The following SORCS2 variants were observed in gnomAD, a reference collection of about 807,000 sequenced individuals.
SORCS2 encodes VPS10 domain-containing receptor SorCS2.
Under a neutral mutation model 141.6 loss-of-function variants are expected in SORCS2, and 100 were observed. That is an observed-to-expected ratio of 0.71 (90% confidence interval 0.60 to 0.83). The LOEUF is 0.83. SORCS2 is among the 40% of genes least tolerant of loss of function. The pLI is 0.00. For synonymous variants in SORCS2, 789 were observed against 676.9 expected, an observed-to-expected ratio of 1.17 and a Z score of -2.57; for missense variants, 1,646 against 1,560.2, an observed-to-expected ratio of 1.05 and a Z score of -0.93.
chr4:7,297,240 C>G (rs1191605300), intron 1 of SORCS2, among the ~76,000 whole-genome samples: 1 of 152,148 alleles, frequency 6.6e-6, no homozygotes. Flanking sequence ...ACTCCCAGCT[C>G]GGGGTTCCAC....
At chr4:7,708,773 C>A (rs557198425) in intron 14 of SORCS2, among the ~76,000 whole-genome samples, 15 of 152,336 alleles carry the variant, frequency 9.8e-5, no homozygotes, top group African/African-American at 3.6e-4. Flanking sequence ...ATTTATTCCT[C>A]CGTTTTTAGA....
At position 7,456,444 on chromosome 4, in the gene SORCS2, T is replaced by C. The variant is rs149657856; in HGVS notation, c.548+60089T>C. ...CCATCCACCTTTACATGCATTTTTT[T>C]CCTCTGTTTCCCACCCATAAGCCTG... On this transcript the variant is annotated intron_variant, in intron 2 of 26. Transcript: ENST00000507866. 4.6e-5 allele frequency among the ~76,000 whole-genome samples: 7 copies of C among 152,240 alleles called. No individual in the cohort carries two copies. In the East Asian group the frequency reaches 7.7e-4, roughly 17 times the overall value.
intron 2 of SORCS2, among the ~76,000 whole-genome samples, chr4:7,437,278 C>T (rs1171835643): frequency 2.6e-5 from 4 of 152,244 alleles, no homozygotes; most frequent in Middle Eastern, 3.4e-3. Flanking sequence ...CTCAGGAGAC[C>T]GTTTGCTTAC....
In SORCS2 at chr4:7,531,527, C is replaced by G. The variant is rs1215715565; in HGVS notation, c.549-3C>G. ...GCTGACGGCTGTCCCCCTTTTCCCCCAGGTCATCAGATTTCGGGACGTCCT... is the reference window on the plus strand; with the variant it reads ...GCTGACGGCTGTCCCCCTTTTCCCCGAGGTCATCAGATTTCGGGACGTCCT... On this transcript the variant is annotated splice_polypyrimidine_tract_variant and splice_region_variant and intron_variant, in intron 2 of 26. Transcript: ENST00000507866. 6.2e-7 allele frequency: 1 copy of G among 1,613,534 alleles called. No homozygotes were observed. Among genetic ancestry groups the G allele is most frequent in the South Asian group, 1.1e-5 (1 of 91,020 alleles).
intron 23 of SORCS2, among the ~76,000 whole-genome samples, chr4:7,731,953 G>T (rs1482610500): frequency 1.3e-5 from 2 of 152,206 alleles, no homozygotes; most frequent in Admixed American, 1.3e-4. Flanking sequence ...AGACAAACAG[G>T]ATGTCAAACC....
intron 3 of SORCS2, among the ~76,000 whole-genome samples, chr4:7,549,573 C>T (rs2109625563): frequency 6.6e-6 from 1 of 152,308 alleles, no homozygotes; most frequent in African/African-American, 2.4e-5. Context: ...CTGGGCTTCT[C>T]CAAGACTCTG....
At chr4:7,652,296 T>A (rs1362681821) in intron 4 of SORCS2, among the ~76,000 whole-genome samples, 1 of 152,184 alleles carries the variant, frequency 6.6e-6, no homozygotes, top group Non-Finnish European at 1.5e-5. Context: ...GCCTTGCCCG[T>A]GGCCCTGGCA....
chr4:7,726,153 G>C (rs1049216741), intron 20 of SORCS2, among the ~76,000 whole-genome samples: 14 of 152,230 alleles, frequency 9.2e-5, no homozygotes, highest in Non-Finnish European at 1.2e-4. Context: ...TGGTGCCATG[G>C]ATGACAGAGC....
intron 3 of SORCS2, among the ~76,000 whole-genome samples, chr4:7,596,362 G>C (rs1047945292): frequency 6.6e-6 from 1 of 152,122 alleles, no homozygotes; most frequent in African/African-American, 2.4e-5. Flanking sequence ...CCGACAGTGT[G>C]CTTTTGACTC....
chr4:7,261,338 G>A (rs1338749658), intron 1 of SORCS2, among the ~76,000 whole-genome samples: 4 of 152,202 alleles, frequency 2.6e-5, no homozygotes, highest in South Asian at 2.1e-4. Context: ...GCTCTGCGAC[G>A]GCCATAAATG....
intron 2 of SORCS2, among the ~76,000 whole-genome samples, chr4:7,529,069 T>A (rs934826274): frequency 6.6e-6 from 1 of 152,168 alleles, no homozygotes; most frequent in Non-Finnish European, 1.5e-5. Context: ...TCTTAACTAA[T>A]TGCATCTGCA....
intron 8 of SORCS2, 52 bp from the exon 9 acceptor site, chr4:7,675,974 TGTGCAGCCTGCTTCTTCCTCCCTC>T (rs1331069955): frequency 2.7e-6 from 4 of 1,494,424 alleles, no homozygotes; most frequent in Non-Finnish European, 3.6e-6. Context: ...CCTCACGGCC[TGTGCAGCCTGCTTCTTCCTCCCTC>T]GTGCAGCCCC....
intron 1 of SORCS2, among the ~76,000 whole-genome samples, chr4:7,312,318 C>T (rs1020200476): frequency 6.6e-6 from 1 of 152,218 alleles, no homozygotes; most frequent in Non-Finnish European, 1.5e-5. Flanking sequence ...ACCGATCAAC[C>T]CTCAGCTGGA....
chr4:7,355,943 CCTGCCCT>C (rs1721225274), intron 1 of SORCS2, among the ~76,000 whole-genome samples: 1 of 152,240 alleles, frequency 6.6e-6, no homozygotes. Context: ...CAATGCTCCA[CCTGCCCT>C]CTGCCCTCCC....
At position 7,264,613 on chromosome 4, in the gene SORCS2, C is replaced by T. The variant is rs1182794533; in HGVS notation, c.480+71487C>T. Among the ~76,000 whole-genome samples, 5 of 152,292 alleles carry T rather than the reference C, an allele frequency of 3.3e-5. No homozygotes were observed. The East Asian group carries it at 7.7e-4, about 24-fold the overall frequency. ...CTTCTCGGGAAGGTGCTGTGTGGCCCGTTTAATTGAGGGTGCTGTTCTTCT... is the reference window on the plus strand; with the variant it reads ...CTTCTCGGGAAGGTGCTGTGTGGCCTGTTTAATTGAGGGTGCTGTTCTTCT... On this transcript the variant is annotated intron_variant, in intron 1 of 26. Transcript: ENST00000507866.
chr4:7,671,723 C>T (rs575352215), intron 8 of SORCS2, among the ~76,000 whole-genome samples: 1 of 152,168 alleles, frequency 6.6e-6, no homozygotes, highest in African/African-American at 2.4e-5. Flanking sequence ...TGGACATCAT[C>T]AAGCAGACCA....
intron 2 of SORCS2, among the ~76,000 whole-genome samples, chr4:7,398,139 G>A (rs185132533): frequency 3.3e-5 from 5 of 152,132 alleles, no homozygotes; most frequent in East Asian, 1.9e-4. Flanking sequence ...CTTAGTTTAC[G>A]TTTGCTGGAG....
intron 5 of SORCS2, among the ~76,000 whole-genome samples, chr4:7,655,226 C>CACACACACACACAG: frequency 1.3e-5 from 2 of 151,718 alleles, no homozygotes; most frequent in African/African-American, 4.9e-5. Context: ...CACACACACA[C>CACACACACACACAG]AGTGCTAGCC....
intron 1 of SORCS2, among the ~76,000 whole-genome samples, chr4:7,195,429 C>T (rs1017429598): frequency 5.3e-5 from 8 of 152,086 alleles, no homozygotes; most frequent in Admixed American, 2.0e-4. Flanking sequence ...TCCGTGGGGT[C>T]AGATGCTGGA....
Sources: allele counts gnomAD v4.1 joint callset (sites outside exome capture counted in the v4.1 genomes callset), GRCh38; gene constraint gnomAD v4.1.1; transcripts MANE v1.5; gene names NCBI Gene and HGNC (gene_info 2026-07-23, HGNC 2026-07-21).